The following KCNG2 variants were observed in gnomAD, a reference collection of about 807,000 sequenced individuals.
The protein encoded by KCNG2 is voltage-gated potassium channel regulatory subunit KCNG2.
In KCNG2, 7 loss-of-function variants were observed where a neutral mutation model predicts 12.3. The observed-to-expected ratio is 0.57, with a 90% CI of 0.32 to 1.07. The LOEUF (loss-of-function observed/expected upper bound fraction) is 1.07, where lower values mean the gene tolerates loss of function less well. Ranked by LOEUF, KCNG2 falls within the 50% of genes least tolerant of loss-of-function variation. KCNG2 has a pLI of 0.04. For synonymous variants in KCNG2, 414 were observed against 351.4 expected (o/e 1.18, Z -1.99); for missense variants, 703 against 726.0 (o/e 0.97, Z 0.36).
intron 3 of KCNG2, among the ~76,000 whole-genome samples, chr18:79,870,677 T>C (rs753756982): frequency 6.6e-6 from 1 of 152,246 alleles, no homozygotes; most frequent in Non-Finnish European, 1.5e-5. Flanking sequence ...GCTCTGTGAA[T>C]TGATTTTTTC....
intron 1 of KCNG2, among the ~76,000 whole-genome samples, chr18:79,805,132 T>C (rs2087439162): frequency 6.6e-6 from 1 of 152,230 alleles, no homozygotes; most frequent in South Asian, 2.1e-4. Context: ...ATGGACGTAT[T>C]TGTAGATACA....
chr18:79,840,734 G>A (rs1049791862), intron 1 of KCNG2, among the ~76,000 whole-genome samples: 1 of 152,204 alleles, frequency 6.6e-6, no homozygotes, highest in African/African-American at 2.4e-5. Context: ...TATTGGTGGA[G>A]GGATATGTAC....
intron 3 of KCNG2, among the ~76,000 whole-genome samples, chr18:79,892,512 C>T (rs901568212): frequency 2.6e-5 from 4 of 152,230 alleles, no homozygotes; most frequent in African/African-American, 7.2e-5. Context: ...TTGTTCACTC[C>T]ATTCACATCT....
intron 1 of KCNG2, among the ~76,000 whole-genome samples, chr18:79,808,102 C>T (rs1268204142): frequency 2.4e-5 from 3 of 126,276 alleles, no homozygotes; most frequent in Admixed American, 7.7e-5. Flanking sequence ...CCACACTCCA[C>T]GTTATGGGCC....
chr18:79,899,624 C>T lies in KCNG2; in HGVS notation c.1209C>T (p.Ser403=), dbSNP rs1402608147. ...GILLMAFPVT[S]IFHTFSRSYS... The stretch of plus-strand genomic sequence containing the variant: ...TGCTCATGGCCTTCCCGGTCACCTC[C>T]ATCTTCCACACCTTTTCGCGCTCCT... The change falls in exon 4 of 4, where the codon TCC becomes TCT. Residue 403 remains serine, a synonymous_variant. Coordinates refer to ENST00000316249, the MANE Select transcript of KCNG2 (RefSeq NM_012283.2). 3.1e-6 allele frequency: 5 copies of T among 1,602,632 alleles called. No individual in the cohort carries two copies. Among genetic ancestry groups the T allele is most frequent in the East Asian group, 2.3e-5 (1 of 44,396 alleles).
chr18:79,835,575 C>T (rs558315515), intron 1 of KCNG2, among the ~76,000 whole-genome samples: 11 of 152,146 alleles, frequency 7.2e-5, no homozygotes, highest in African/African-American at 2.2e-4. Context: ...ACGGAGTAGA[C>T]GTATAAAAGA....
At position 79,884,876 on chromosome 18, in the gene KCNG2, G is replaced by A. The variant is rs11664834; in HGVS notation, c.625-14164G>A. On this transcript the variant is annotated intron_variant, in intron 3 of 3. Transcript: ENST00000316249. The surrounding 1 kb of genome is among the most constrained non-coding windows in gnomAD (Gnocchi z 5.5). ...GAAACACAGTAGCGTGCGCGGGTCG[G>A]TGATGCAGCCAAGACACCATCCCTG... 5.9e-5 allele frequency among the ~76,000 whole-genome samples: 9 copies of A among 152,098 alleles called. No individual in the cohort carries two copies. Among genetic ancestry groups the A allele is most frequent in the South Asian group, 2.1e-4 (1 of 4,822 alleles).
intron 3 of KCNG2, among the ~76,000 whole-genome samples, chr18:79,870,591 C>T (rs1301509720): frequency 6.6e-6 from 1 of 152,232 alleles, no homozygotes; most frequent in East Asian, 1.9e-4. Flanking sequence ...TGGAGACCTG[C>T]CCGCTGTTGG....
intron 3 of KCNG2, among the ~76,000 whole-genome samples, chr18:79,876,696 G>A (rs569943965): frequency 1.3e-5 from 2 of 152,226 alleles, no homozygotes; most frequent in Non-Finnish European, 2.9e-5. Context: ...AATCATCAAC[G>A]ACACCCTTGG....
Position 79,898,914 on chromosome 18 carries a change from G to A in KCNG2, c.625-126G>A, listed in dbSNP as rs919148254. On this transcript the variant is annotated intron_variant, in intron 3 of 3. Transcript: ENST00000316249. ...GGGCCTGTCAATATCCCCTGCACCC[G>A]CTTCCGTGGGTTGGGGCGGGAAGGG... is the stretch of plus-strand genomic sequence containing the variant. The A allele has an allele frequency of 4.2e-5, 28 of 666,368 alleles. No homozygotes were observed. The African/African-American group carries it at 4.4e-4, about 10-fold the overall frequency. 41.3% of individuals were successfully genotyped at this position (666,368 alleles called of 1,614,324 possible).
intron 1 of KCNG2, among the ~76,000 whole-genome samples, chr18:79,798,518 C>CG (rs964803485): frequency 1.3e-5 from 2 of 152,190 alleles, no homozygotes; most frequent in African/African-American, 4.8e-5. Context: ...GAATGCTCGG[C>CG]GCGCTGCGCC....
chr18:79,899,545 C>G lies in KCNG2; in HGVS notation c.1130C>G (p.Pro377Arg), dbSNP rs769735266. The part of the protein sequence containing the change: ...MTTVGYGDMV[P>R]RSLPGQVVAL... ...ACCGTGGGCTACGGCGACATGGTCC[C>G]GCGCAGCCTGCCCGGGCAGGTGGTG... is the stretch of plus-strand genomic sequence containing the variant. The change falls in exon 4 of 4, where the codon CCG becomes CGG. Residue 377 changes from proline (P) to arginine (R), a missense_variant. Coordinates refer to ENST00000316249, the MANE Select transcript of KCNG2 (RefSeq NM_012283.2). The G allele has an allele frequency of 1.2e-6, 2 of 1,604,564 alleles. No homozygotes were observed. Among genetic ancestry groups the G allele is most frequent in the South Asian group, 1.1e-5 (1 of 89,654 alleles).
At chr18:79,892,130 A>AC (rs1213955454) in intron 3 of KCNG2, among the ~76,000 whole-genome samples, 2 of 116,228 alleles carry the variant, frequency 1.7e-5, no homozygotes, top group Non-Finnish European at 3.9e-5. Flanking sequence ...AAAAAAAAAA[A>AC]ACAACACAGT....
chr18:79,834,833 A>G (rs1277599193), intron 1 of KCNG2, among the ~76,000 whole-genome samples: 2 of 152,220 alleles, frequency 1.3e-5, no homozygotes, highest in African/African-American at 4.8e-5. Context: ...CTGGTTCCTG[A>G]TGGCTGAGTG....
Position 79,864,308 on chromosome 18 carries a change from G to GTGGCGGGGACCGGGCCGGAGC in KCNG2, c.624+21_624+41dup. The GTGGCGGGGACCGGGCCGGAGC allele has an allele frequency of 6.6e-7, 1 of 1,510,836 alleles. No homozygotes were observed. Among genetic ancestry groups the GTGGCGGGGACCGGGCCGGAGC allele is most frequent in the Non-Finnish European group, 8.8e-7 (1 of 1,135,216 alleles). 93.6% of individuals were successfully genotyped at this position (1,510,836 alleles called of 1,614,324 possible). On this transcript the variant is annotated intron_variant, in intron 3 of 3. Coordinates refer to ENST00000316249, the MANE Select transcript of KCNG2 (RefSeq NM_012283.2). ...GAGGAGCGGGTGAGCGCGGCCGGGG[G>GTGGCGGGGACCGGGCCGGAGC]TGGCGGGGACCGGGCCGGAGCTGGG...
At chr18:79,807,809 G>T (rs1310535013) in intron 1 of KCNG2, among the ~76,000 whole-genome samples, 5 of 141,358 alleles carry the variant, frequency 3.5e-5, no homozygotes, top group South Asian at 2.4e-4. Context: ...CCACGTTATG[G>T]GCCCAGAGTC....
chr18:79,801,721 C>T lies in KCNG2; in HGVS notation c.-115+3707C>T, dbSNP rs545420282. ...CAGCAGTTTTTACTAAATTCCAGCC[C>T]GAAGAGGCAAATGTATTCTTGCATA... On this transcript the variant is annotated intron_variant, in intron 1 of 3. Transcript: ENST00000316249. 8.6e-4 allele frequency among the ~76,000 whole-genome samples: 131 copies of T among 152,322 alleles called. 2 individuals carry two copies. The highest frequency in any genetic ancestry group is 1.7e-3 in the Admixed American group (26 of 15,294).
chr18:79,843,573 A>G (rs926801415), intron 1 of KCNG2, among the ~76,000 whole-genome samples: 3 of 152,240 alleles, frequency 2.0e-5, no homozygotes, highest in African/African-American at 7.2e-5. Context: ...TATAATGTAA[A>G]TTGTGACATC....
At chr18:79,857,088 C>G (rs1458528745) in intron 2 of KCNG2, among the ~76,000 whole-genome samples, 1 of 528 alleles carries the variant, frequency 1.9e-3, no homozygotes, top group Non-Finnish European at 3.6e-3. Flanking sequence ...CCCCACAGCC[C>G]TGTGTGGTAT....
Sources: allele counts gnomAD v4.1 joint callset (sites outside exome capture counted in the v4.1 genomes callset), GRCh38; gene constraint gnomAD v4.1.1; non-coding constraint Gnocchi (gnomAD v3.1); transcripts MANE v1.5; gene names NCBI Gene and HGNC (gene_info 2026-07-23, HGNC 2026-07-21).